The following ST6GALNAC5 variants were observed in gnomAD, a reference collection of about 807,000 sequenced individuals.
The protein encoded by ST6GALNAC5 is ST6 N-acetylgalactosaminide alpha-2,6-sialyltransferase 5, also known as alpha-N-acetylgalactosaminide alpha-2,6-sialyltransferase 5.
In ST6GALNAC5, 27 loss-of-function variants were observed where a neutral mutation model predicts 33.6. The observed-to-expected ratio is 0.80, with a 90% CI of 0.59 to 1.11. ST6GALNAC5 has a LOEUF of 1.11. Ranked by LOEUF, ST6GALNAC5 falls within the 50% of genes least tolerant of loss-of-function variation. The pLI is 0.00. For missense variants in ST6GALNAC5, 428 were observed against 454.0 expected, an observed-to-expected ratio of 0.94 and a Z score of 0.52; for synonymous variants, 194 against 171.2, an observed-to-expected ratio of 1.13 and a Z score of -1.04.
At chr1:77,027,764 G>A (rs988525532) in intron 2 of ST6GALNAC5, among the ~76,000 whole-genome samples, 2 of 152,158 alleles carry the variant, frequency 1.3e-5, no homozygotes, top group Admixed American at 1.3e-4. Flanking sequence ...CGTGTTTGGT[G>A]GTGATGTTCT....
At chr1:76,940,014 A>G (rs1308756160) in intron 2 of ST6GALNAC5, among the ~76,000 whole-genome samples, 1 of 152,108 alleles carries the variant, frequency 6.6e-6, no homozygotes, top group Non-Finnish European at 1.5e-5. Flanking sequence ...AATGCATGTG[A>G]AACTCATAAA....
intron 2 of ST6GALNAC5, among the ~76,000 whole-genome samples, chr1:76,934,685 A>T (rs1346975410): frequency 3.3e-5 from 5 of 151,988 alleles, no homozygotes; most frequent in Admixed American, 3.3e-4. Flanking sequence ...AAACCTGCCG[A>T]TGTGAGAAGT....
intron 2 of ST6GALNAC5, among the ~76,000 whole-genome samples, chr1:76,928,955 C>G (rs1647111083): frequency 6.6e-6 from 1 of 152,084 alleles, no homozygotes; most frequent in Non-Finnish European, 1.5e-5. Flanking sequence ...TTAAGTGAGC[C>G]CAATGTCACC....
chr1:77,058,988 A>G (rs566448646), intron 4 of ST6GALNAC5, among the ~76,000 whole-genome samples: 5 of 152,228 alleles, frequency 3.3e-5, no homozygotes, highest in Non-Finnish European at 7.3e-5. Flanking sequence ...TTAGCTGCAT[A>G]TTAGAATCTC....
chr1:77,051,058 C>T (rs1462723499), intron 4 of ST6GALNAC5, among the ~76,000 whole-genome samples: 2 of 152,174 alleles, frequency 1.3e-5, no homozygotes, highest in Non-Finnish European at 2.9e-5. Flanking sequence ...TTTTTGGGAA[C>T]GCCTGATGGC....
At chr1:76,883,138 C>A (rs1367471452) in intron 2 of ST6GALNAC5, among the ~76,000 whole-genome samples, 2 of 152,144 alleles carry the variant, frequency 1.3e-5, no homozygotes, top group African/African-American at 4.8e-5. Flanking sequence ...AGGGAGGAAA[C>A]AAGATAAAGG....
At chr1:76,908,045 T>C (rs993494326) in intron 2 of ST6GALNAC5, among the ~76,000 whole-genome samples, 7 of 152,172 alleles carry the variant, frequency 4.6e-5, no homozygotes, top group East Asian at 3.9e-4. Context: ...ATACAATAGA[T>C]TTTTTTATGA....
intron 2 of ST6GALNAC5, among the ~76,000 whole-genome samples, chr1:76,999,496 T>A (rs562636050): frequency 6.6e-6 from 1 of 152,080 alleles, no homozygotes; most frequent in African/African-American, 2.4e-5. Flanking sequence ...TTTTTTTTTT[T>A]TCAATTATTA....
intron 2 of ST6GALNAC5, among the ~76,000 whole-genome samples, chr1:76,947,194 T>A (rs995469507): frequency 1.3e-5 from 2 of 152,138 alleles, no homozygotes; most frequent in African/African-American, 4.8e-5. Context: ...AGGTCAATGA[T>A]AATACAAAGA....
chr1:77,036,536 T>A (rs1243524278), intron 2 of ST6GALNAC5, among the ~76,000 whole-genome samples: 3 of 152,230 alleles, frequency 2.0e-5, no homozygotes, highest in Non-Finnish European at 4.4e-5. Context: ...AAGGTGGTTA[T>A]GACATATGCA....
chr1:77,010,167 A>C (rs1650579673), intron 2 of ST6GALNAC5, among the ~76,000 whole-genome samples: 1 of 152,118 alleles, frequency 6.6e-6, no homozygotes, highest in Admixed American at 6.5e-5. Flanking sequence ...AATAAGTGTT[A>C]ACTCAGTGAT....
chr1:76,895,042 C>T (rs1253890674), intron 2 of ST6GALNAC5, among the ~76,000 whole-genome samples: 2 of 151,926 alleles, frequency 1.3e-5, no homozygotes, highest in African/African-American at 4.8e-5. Context: ...AGCTTTTGAG[C>T]CAGGATGAGC....
intron 2 of ST6GALNAC5, among the ~76,000 whole-genome samples, chr1:76,963,769 C>A (rs559213174): frequency 6.6e-6 from 1 of 152,144 alleles, no homozygotes; most frequent in Non-Finnish European, 1.5e-5. Context: ...CCTTACCTTA[C>A]CAAATAATTT....
chr1:77,044,356 C>T lies in ST6GALNAC5; in HGVS notation c.414C>T (p.Arg138=). The change falls in exon 3 of 5, where the codon CGC becomes CGT. Residue 138 remains arginine (R), a synonymous_variant. Coordinates refer to ENST00000477717, the MANE Select transcript of ST6GALNAC5 (RefSeq NM_030965.3). The stretch of plus-strand genomic sequence containing the variant: ...GCTATGGGCGTGACGTGGGCAATCG[C>T]ACCAGCCTGAGGGTCATCGCGCATT... ...TRGYGRDVGN[R]TSLRVIAHSS... 6.2e-7 allele frequency: 1 copy of T among 1,613,952 alleles called. No homozygotes were observed. The highest frequency in any genetic ancestry group is 8.5e-7 in the Non-Finnish European group (1 of 1,180,044).
chr1:76,896,723 C>A (rs1050463261), intron 2 of ST6GALNAC5, among the ~76,000 whole-genome samples: 1 of 151,904 alleles, frequency 6.6e-6, no homozygotes, highest in Non-Finnish European at 1.5e-5. Flanking sequence ...GCTGAAGGAG[C>A]CGGGAGCAGA....
chr1:76,908,822 C>T (rs1310514306), intron 2 of ST6GALNAC5, among the ~76,000 whole-genome samples: 1 of 152,134 alleles, frequency 6.6e-6, no homozygotes, highest in African/African-American at 2.4e-5. Flanking sequence ...ACTTAATGAT[C>T]ATTTGTTAAT....
intron 2 of ST6GALNAC5, among the ~76,000 whole-genome samples, chr1:77,025,949 C>T (rs752511943): frequency 7.2e-5 from 11 of 152,184 alleles, no homozygotes; most frequent in Admixed American, 6.5e-4. Flanking sequence ...CCAGCCTCGT[C>T]CAAGGCTGAT....
intron 2 of ST6GALNAC5, among the ~76,000 whole-genome samples, chr1:76,969,582 C>T (rs548602498): frequency 2.0e-5 from 3 of 152,338 alleles, no homozygotes; most frequent in African/African-American, 4.8e-5. Flanking sequence ...TCTGTAGACT[C>T]CACCTATGGG....
intron 2 of ST6GALNAC5, among the ~76,000 whole-genome samples, chr1:77,036,434 A>G (rs1651648121): frequency 6.6e-6 from 1 of 152,244 alleles, no homozygotes; most frequent in South Asian, 2.1e-4. Flanking sequence ...ATCTCAATAA[A>G]GCTGTTAAAA....
Sources: allele counts gnomAD v4.1 joint callset (sites outside exome capture counted in the v4.1 genomes callset), GRCh38; gene constraint gnomAD v4.1.1; transcripts MANE v1.5; gene names NCBI Gene and HGNC (gene_info 2026-07-23, HGNC 2026-07-21).